Variants in DAB2IP observed in about 807,000 individuals in gnomAD.
The protein encoded by DAB2IP is disabled homolog 2-interacting protein.
In DAB2IP, 28 loss-of-function variants were observed where a neutral mutation model predicts 107.2. The ratio of observed to expected loss-of-function variants is 0.26; its 90% CI spans 0.19 to 0.36. DAB2IP has a LOEUF of 0.36. Ranked by LOEUF, DAB2IP falls within the 10% of genes least tolerant of loss-of-function variation. DAB2IP has a pLI of 1.00. For missense variants in DAB2IP, 1,400 were observed against 1,644.7 expected (o/e 0.85, Z 2.57); for synonymous variants, 755 against 706.4 (o/e 1.07, Z -1.09).
chr9:121,697,763 C>T (rs1444833943), intron 2 of DAB2IP, among the ~76,000 whole-genome samples: 3 of 152,180 alleles, frequency 2.0e-5, no homozygotes, highest in Middle Eastern at 3.4e-3. Context: ...TTGAAGGACA[C>T]GCAGAATCCC....
chr9:121,713,618 C>T (rs1830445082), intron 3 of DAB2IP, among the ~76,000 whole-genome samples: 1 of 152,124 alleles, frequency 6.6e-6, no homozygotes. Context: ...CAGGGGGTTC[C>T]AGCTGGCTTG....
intron 1 of DAB2IP, among the ~76,000 whole-genome samples, chr9:121,636,283 A>G (rs1564125103): frequency 6.6e-6 from 1 of 152,060 alleles, no homozygotes; most frequent in East Asian, 1.9e-4. Context: ...GTCACTCTCC[A>G]TCCTCTTCCT....
chr9:121,696,957 A>C (rs1829460479), intron 2 of DAB2IP, among the ~76,000 whole-genome samples: 1 of 152,180 alleles, frequency 6.6e-6, no homozygotes, highest in Admixed American at 6.5e-5. Flanking sequence ...CATAATGTTC[A>C]TGGCTATCTT....
At chr9:121,613,892 C>A (rs566698396) in intron 1 of DAB2IP, among the ~76,000 whole-genome samples, 14 of 152,280 alleles carry the variant, frequency 9.2e-5, no homozygotes, top group Admixed American at 7.8e-4. Context: ...CTTCAGATGG[C>A]AAGAAATCAG....
upstream of DAB2IP, among the ~76,000 whole-genome samples, chr9:121,647,050 A>G (rs1008637049): frequency 6.6e-6 from 1 of 152,170 alleles, no homozygotes; most frequent in African/African-American, 2.4e-5. Context: ...CAGTTCAGCT[A>G]CCATGATTAG....
At chr9:121,678,248 A>G (rs1484269697) in intron 1 of DAB2IP, among the ~76,000 whole-genome samples, 2 of 152,258 alleles carry the variant, frequency 1.3e-5, no homozygotes, top group Non-Finnish European at 2.9e-5. Flanking sequence ...GGGATCATAC[A>G]AAATATGTCC....
At chr9:121,716,954 C>T (rs1002803164) in intron 3 of DAB2IP, among the ~76,000 whole-genome samples, 3 of 152,206 alleles carry the variant, frequency 2.0e-5, no homozygotes, top group Non-Finnish European at 4.4e-5. Flanking sequence ...ACTCTGTCTC[C>T]TTTGCTCCTA....
At chr9:121,675,104 CA>C (rs1833842403) in intron 1 of DAB2IP, among the ~76,000 whole-genome samples, 1 of 152,046 alleles carries the variant, frequency 6.6e-6, no homozygotes, top group South Asian at 2.1e-4. Flanking sequence ...GGGTGGGAAA[CA>C]GACAACCCAT....
intron 1 of DAB2IP, among the ~76,000 whole-genome samples, chr9:121,587,978 T>C (rs912681076): frequency 2.6e-5 from 4 of 152,234 alleles, no homozygotes; most frequent in African/African-American, 9.6e-5. Flanking sequence ...CTCACATCAG[T>C]GCCTAGCTGG....
chr9:121,636,832 C>T (rs765696696), intron 1 of DAB2IP, among the ~76,000 whole-genome samples: 15 of 152,346 alleles, frequency 9.8e-5, no homozygotes, highest in Non-Finnish European at 2.2e-4. Context: ...CAGGCAGCTT[C>T]CTGAGTGCAG....
At chr9:121,675,796 C>T (rs1283127806) in intron 1 of DAB2IP, among the ~76,000 whole-genome samples, 2 of 152,156 alleles carry the variant, frequency 1.3e-5, no homozygotes, top group African/African-American at 2.4e-5. Flanking sequence ...TGGGTGACAG[C>T]CTCCCAGAGG....
chr9:121,712,378 C>G (rs1407510451), intron 3 of DAB2IP, among the ~76,000 whole-genome samples: 1 of 152,140 alleles, frequency 6.6e-6, no homozygotes, highest in Non-Finnish European at 1.5e-5. Context: ...TTCTGGCAGC[C>G]CAAAGGGAGC....
At chr9:121,735,136 G>A (rs946738767) in intron 3 of DAB2IP, among the ~76,000 whole-genome samples, 4 of 152,354 alleles carry the variant, frequency 2.6e-5, no homozygotes, top group Admixed American at 2.6e-4. Flanking sequence ...GAAGGAAGGG[G>A]ACAGGACACT....
chr9:121,734,789 C>CT (rs1468523169), intron 3 of DAB2IP, among the ~76,000 whole-genome samples: 1 of 152,210 alleles, frequency 6.6e-6, no homozygotes, highest in Admixed American at 6.5e-5. Context: ...GTGAGGCACA[C>CT]TTTCAGATGT....
At chr9:121,657,414 C>T (rs937932652) in intron 1 of DAB2IP, among the ~76,000 whole-genome samples, 5 of 152,228 alleles carry the variant, frequency 3.3e-5, no homozygotes, top group Non-Finnish European at 7.3e-5. Context: ...AAGAGAACAG[C>T]TCCCTTTCAC....
intron 3 of DAB2IP, among the ~76,000 whole-genome samples, chr9:121,709,789 C>A (rs981418683): frequency 1.3e-5 from 2 of 152,218 alleles, no homozygotes; most frequent in Non-Finnish European, 2.9e-5. Context: ...TCATTTTATC[C>A]TTCCCCCATT....
At chr9:121,770,991 C>G (rs1397662289) in intron 11 of DAB2IP, among the ~76,000 whole-genome samples, 1 of 152,156 alleles carries the variant, frequency 6.6e-6, no homozygotes, top group African/African-American at 2.4e-5. Flanking sequence ...GACAGAGGGA[C>G]AAGCACAAGC....
chr9:121,778,986 C>G (rs1757518632), intron 14 of DAB2IP, among the ~76,000 whole-genome samples: 1 of 152,168 alleles, frequency 6.6e-6, no homozygotes. Context: ...CCACCTCCCC[C>G]CATTTCTTTC....
intron 3 of DAB2IP, chr9:121,751,178 G>A (rs1482719833): frequency 1.1e-5 from 2 of 177,364 alleles, no homozygotes; most frequent in Non-Finnish European, 2.3e-5. Flanking sequence ...CTGCCCGGCT[G>A]CTATGGACCT....
Sources: allele counts gnomAD v4.1 joint callset (sites outside exome capture counted in the v4.1 genomes callset), GRCh38; gene constraint gnomAD v4.1.1; transcripts MANE v1.5; gene names NCBI Gene and HGNC (gene_info 2026-07-23, HGNC 2026-07-21).